The following ESYT3 variants were observed in gnomAD, a reference collection of about 807,000 sequenced individuals.
The protein encoded by ESYT3 is extended synaptotagmin-3.
In ESYT3, 101 loss-of-function variants were observed where a neutral mutation model predicts 111.5. The observed-to-expected ratio is 0.91, with a 90% CI of 0.77 to 1.07. The LOEUF (loss-of-function observed/expected upper bound fraction) is 1.07. Ranked by LOEUF, ESYT3 falls within the 50% of genes least tolerant of loss-of-function variation. ESYT3 has a pLI of 0.00. For missense variants in ESYT3, 1,097 were observed against 1,109.4 expected (o/e 0.99, Z 0.16); for synonymous variants, 416 against 446.8 (o/e 0.93, Z 0.87).
chr3:138,455,377 C>T, intron 3 of ESYT3, 49 bp downstream of exon 3: 5 of 1,600,516 alleles, frequency 3.1e-6, no homozygotes, highest in Non-Finnish European at 4.3e-6. Flanking sequence ...GCAGTCTTCT[C>T]TCTGTTCCCT....
At chr3:138,460,405 C>T (rs1261683588) in intron 6 of ESYT3, among the ~76,000 whole-genome samples, 3 of 152,166 alleles carry the variant, frequency 2.0e-5, no homozygotes, top group Admixed American at 2.0e-4. Context: ...CCTGGGCCCT[C>T]GATACCGCTA....
intron 1 of ESYT3, among the ~76,000 whole-genome samples, chr3:138,436,520 A>G (rs1161119019): frequency 1.3e-5 from 2 of 152,248 alleles, no homozygotes; most frequent in Non-Finnish European, 2.9e-5. Context: ...TATTTAATGT[A>G]CGATTTGATG....
chr3:138,455,467 G>A (rs111653409), intron 3 of ESYT3, 139 bp downstream of exon 3: 33 of 179,312 alleles, frequency 1.8e-4, no homozygotes, highest in Admixed American at 5.1e-4. Context: ...ACACCCTCCC[G>A]CCACCACCTG....
At chr3:138,463,737 A>G (rs1335996235) in intron 8 of ESYT3, among the ~76,000 whole-genome samples, 1 of 152,234 alleles carries the variant, frequency 6.6e-6, no homozygotes, top group Non-Finnish European at 1.5e-5. Flanking sequence ...CTCAAAACCC[A>G]TGAACTATGC....
chr3:138,452,025 T>A, intron 1 of ESYT3, 23 bp from the exon 2 acceptor site: 1 of 1,613,500 alleles, frequency 6.2e-7, no homozygotes, highest in Non-Finnish European at 8.5e-7. Flanking sequence ...TAGTCTAACT[T>A]CCCCTCGGGG....
intron 2 of ESYT3, among the ~76,000 whole-genome samples, chr3:138,454,743 A>G (rs1434648970): frequency 2.6e-5 from 4 of 152,172 alleles, no homozygotes. Context: ...AATCGGGCAA[A>G]GGCTGCCTTT....
chr3:138,435,662 CG>C lies in ESYT3; in HGVS notation c.327+540del, dbSNP rs2030611937. On this transcript the variant is annotated intron_variant, in intron 1 of 22. Coordinates refer to ENST00000389567, the MANE Select transcript of ESYT3 (RefSeq NM_031913.5). The surrounding 1 kb of genome is among the most constrained non-coding windows in gnomAD (Gnocchi z 4.8). ...GGTACGGCTGGGAGACCGACGGCGCCGGGCCCCGGGCCTCCTTCCCTCCCTC... is the reference window on the plus strand; with the variant it reads ...GGTACGGCTGGGAGACCGACGGCGCCGGCCCCGGGCCTCCTTCCCTCCCTC... 6.6e-6 allele frequency among the ~76,000 whole-genome samples: 1 copy of C among 151,482 alleles called. No homozygotes were observed. The highest frequency in any genetic ancestry group is 1.5e-5 in the Non-Finnish European group (1 of 67,750).
intron 2 of ESYT3, among the ~76,000 whole-genome samples, chr3:138,453,453 C>G (rs1191543568): frequency 6.6e-6 from 1 of 152,112 alleles, no homozygotes; most frequent in East Asian, 1.9e-4. Context: ...GAAGATGAGA[C>G]CAGACCCAAG....
Position 138,470,930 on chromosome 3 carries a change from C to T in ESYT3, c.1644C>T (p.Cys548=), listed in dbSNP as rs1188555936. ...TGGGAATGCTGGAGGTCCCCCTGTG[C>T]CAGATCCTCCCCTATGCTGACCTCA... is the stretch of plus-strand genomic sequence containing the variant. ...CALGMLEVPL[C]QILPYADLTL... is the part of the protein sequence containing the mutation. The change falls in exon 17 of 23, where the codon TGC becomes TGT. Residue 548 remains cysteine, a synonymous_variant. Coordinates refer to ENST00000389567, the MANE Select transcript of ESYT3 (RefSeq NM_031913.5). The T allele has an allele frequency of 6.2e-7, 1 of 1,614,120 alleles. No individual in the cohort carries two copies. The highest frequency in any genetic ancestry group is 1.7e-5 in the Admixed American group (1 of 60,024).
chr3:138,462,367 T>A, intron 8 of ESYT3, 161 bp downstream of exon 8: 4 of 1,037,986 alleles, frequency 3.9e-6, no homozygotes, highest in Non-Finnish European at 5.6e-6. Context: ...ACTAAAGACA[T>A]TTTGTCCTTG....
intron 1 of ESYT3, among the ~76,000 whole-genome samples, chr3:138,442,049 C>A (rs2031191459): frequency 6.6e-6 from 1 of 152,028 alleles, no homozygotes; most frequent in Admixed American, 6.6e-5. Flanking sequence ...CCCAGAATCA[C>A]CCACTCTATT....
At chr3:138,461,349 C>A (rs1417252413) in intron 7 of ESYT3, among the ~76,000 whole-genome samples, 4 of 152,184 alleles carry the variant, frequency 2.6e-5, no homozygotes, top group Non-Finnish European at 5.9e-5. Flanking sequence ...GAGATCTCAC[C>A]ATCTGGGGGC....
In ESYT3 at chr3:138,470,949, G is replaced by C. The variant is rs1291268465; in HGVS notation, c.1663G>C (p.Asp555His). 4 of 1,614,146 alleles carry C rather than the reference G, an allele frequency of 2.5e-6. No individual in the cohort carries two copies. The highest frequency in any genetic ancestry group is 3.4e-6 in the Non-Finnish European group (4 of 1,180,028). ...VPLCQILPYA[D>H]LTLEQRFQLD... is the part of the protein sequence containing the mutation. ...CCTGTGCCAGATCCTCCCCTATGCTGACCTCACTCTTGAGCAGCGCTTTCA... is the reference window on the plus strand; with the variant it reads ...CCTGTGCCAGATCCTCCCCTATGCTCACCTCACTCTTGAGCAGCGCTTTCA... The change falls in exon 17 of 23, where the codon GAC (aspartate) becomes CAC (histidine). Residue 555 changes from aspartate (D) to histidine (H), a missense_variant. Coordinates refer to ENST00000389567, the MANE Select transcript of ESYT3 (RefSeq NM_031913.5).
chr3:138,473,346 A>G (rs2033329301), intron 18 of ESYT3, 190 bp from the exon 19 acceptor site: 3 of 636,230 alleles, frequency 4.7e-6, no homozygotes, highest in South Asian at 3.2e-5. Context: ...CGTTCTTCCT[A>G]CTATGAAGTA....
rs1420006387 is a variant in ESYT3 at position 138,457,595 on chromosome 3, C to G, written c.532C>G (p.His178Asp). 1.5e-5 allele frequency: 25 copies of G among 1,614,048 alleles called. 1 individual carries two copies. In the Admixed American group the frequency reaches 4.2e-4, roughly 27 times the overall value. The change falls in exon 4 of 23, where the codon CAC (histidine) becomes GAC (aspartate). Residue 178 changes from histidine (H) to aspartate (D), a missense_variant. Coordinates refer to ENST00000389567, the MANE Select transcript of ESYT3 (RefSeq NM_031913.5). Reference sequence around the variant, plus strand: ...TCCCAGGGTCAACGGTGTCAAGGCACACACTAATACGTGCAACCGAAGACG... The same window carrying G: ...TCCCAGGGTCAACGGTGTCAAGGCAGACACTAATACGTGCAACCGAAGACG... ...KCPRVNGVKA[H>D]TNTCNRRRVT...
At chr3:138,441,622 T>C (rs1460041828) in intron 1 of ESYT3, among the ~76,000 whole-genome samples, 11 of 152,146 alleles carry the variant, frequency 7.2e-5, no homozygotes, top group Admixed American at 7.2e-4. Context: ...CCTGCCTTGC[T>C]CTTTCGCCTC....
At chr3:138,446,114 A>C (rs542776031) in intron 1 of ESYT3, among the ~76,000 whole-genome samples, 22 of 152,354 alleles carry the variant, frequency 1.4e-4, no homozygotes, top group Non-Finnish European at 2.8e-4. Context: ...CATCAAATGA[A>C]AGTGTTTATG....
At chr3:138,450,824 C>T (rs2031872511) in intron 1 of ESYT3, among the ~76,000 whole-genome samples, 1 of 152,232 alleles carries the variant, frequency 6.6e-6, no homozygotes, top group Non-Finnish European at 1.5e-5. Flanking sequence ...GACACATCTA[C>T]TTAGTCCCAG....
chr3:138,439,474 C>T lies in ESYT3; in HGVS notation c.327+4349C>T, dbSNP rs138252795. Among the ~76,000 whole-genome samples the T allele has an allele frequency of 2.3e-3, 357 of 152,306 alleles. 2 individuals are homozygous for T. The highest frequency in any genetic ancestry group is 0.014 in the Middle Eastern group (4 of 294). Reference sequence around the variant, plus strand: ...CAGAGCCCATCCTTCGTGCTCTGGGCTCCTAAGACCCTTCTTGGGGTAACC... The same window carrying T: ...CAGAGCCCATCCTTCGTGCTCTGGGTTCCTAAGACCCTTCTTGGGGTAACC... On this transcript the variant is annotated intron_variant, in intron 1 of 22. Coordinates refer to ENST00000389567, the MANE Select transcript of ESYT3 (RefSeq NM_031913.5).
Sources: gnomAD v4.1 joint callset for allele counts (sites outside exome capture counted in the v4.1 genomes callset) on GRCh38, gnomAD v4.1.1 for gene constraint, Gnocchi (gnomAD v3.1) non-coding constraint, MANE v1.5 for transcripts, NCBI Gene and HGNC (gene_info 2026-07-23, HGNC 2026-07-21) for gene names.